CRPPA: variants seen among roughly 807,000 people sequenced by gnomAD.
CRPPA encodes D-ribitol-5-phosphate cytidylyltransferase.
CRPPA carries 43 observed loss-of-function variants against 52.0 expected under a neutral mutation model. That is an observed-to-expected ratio of 0.83 (90% confidence interval 0.65 to 1.07). The LOEUF (loss-of-function observed/expected upper bound fraction) is 1.07, where lower values mean the gene tolerates loss of function less well. CRPPA is among the 50% of genes least tolerant of loss of function. The pLI is 0.00. For synonymous variants in CRPPA, 250 were observed against 203.5 expected, an observed-to-expected ratio of 1.23 and a Z score of -1.94; for missense variants, 629 against 551.7, an observed-to-expected ratio of 1.14 and a Z score of -1.40.
At chr7:16,172,407 C>T (rs1034960) in intron 9 of CRPPA, among the ~76,000 whole-genome samples, 6,418 of 152,070 alleles carry the variant, frequency 0.042, 416 homozygotes, top group East Asian at 0.32. Context: ...GCAGAGGGCC[C>T]GTGTGTCCTG....
chr7:16,231,624 A>G (rs768737343), intron 8 of CRPPA, among the ~76,000 whole-genome samples: 9 of 149,302 alleles, frequency 6.0e-5, no homozygotes, highest in Non-Finnish European at 1.3e-4. Flanking sequence ...AGTCTAAGCT[A>G]AAACAGACTG....
intron 2 of CRPPA, among the ~76,000 whole-genome samples, chr7:16,403,632 A>G (rs1283542307): frequency 6.6e-6 from 1 of 152,188 alleles, no homozygotes; most frequent in African/African-American, 2.4e-5. Flanking sequence ...CCTGGAAAAC[A>G]GTCTGAACGG....
chr7:16,390,598 AT>A (rs1179993672), intron 2 of CRPPA, among the ~76,000 whole-genome samples: 2 of 152,164 alleles, frequency 1.3e-5, no homozygotes, highest in African/African-American at 4.8e-5. Flanking sequence ...CAGACTGTAA[AT>A]GGTAAAGTAT....
At chr7:16,286,097 A>AAAAATATATATATATATATATAT in intron 5 of CRPPA, among the ~76,000 whole-genome samples, 2 of 39,130 alleles carry the variant, frequency 5.1e-5, no homozygotes, top group Non-Finnish European at 8.1e-5. Context: ...TAAAAAAAAA[A>AAAAATATATATATATATATATAT]ATATATATAT....
At chr7:16,138,782 C>A (rs1003559821) in intron 9 of CRPPA, among the ~76,000 whole-genome samples, 2 of 152,106 alleles carry the variant, frequency 1.3e-5, no homozygotes, top group East Asian at 1.9e-4. Flanking sequence ...TTTACCCCCC[C>A]ACACATTATT....
intron 2 of CRPPA, among the ~76,000 whole-genome samples, chr7:16,381,657 T>C (rs1212530267): frequency 6.6e-6 from 1 of 151,824 alleles, no homozygotes; most frequent in Non-Finnish European, 1.5e-5. Context: ...AGGACTTGCT[T>C]TATGAATCTG....
chr7:16,399,444 T>G (rs993382355), intron 2 of CRPPA, among the ~76,000 whole-genome samples: 3 of 151,764 alleles, frequency 2.0e-5, no homozygotes, highest in African/African-American at 7.3e-5. Flanking sequence ...TTGGCACATG[T>G]CCAACATGTG....
intron 2 of CRPPA, among the ~76,000 whole-genome samples, chr7:16,398,092 CATT>C (rs771052792): frequency 6.6e-6 from 1 of 151,772 alleles, no homozygotes; most frequent in Admixed American, 6.6e-5. Flanking sequence ...TGAACAATAA[CATT>C]ATTGACATGA....
chr7:16,312,281 C>A (rs1785051254), intron 3 of CRPPA, among the ~76,000 whole-genome samples: 1 of 151,908 alleles, frequency 6.6e-6, no homozygotes. Flanking sequence ...TTATGTAGTT[C>A]TTTGAAGTCT....
At chr7:16,129,764 G>C (rs1426369709) in intron 9 of CRPPA, among the ~76,000 whole-genome samples, 1 of 152,136 alleles carries the variant, frequency 6.6e-6, no homozygotes, top group East Asian at 1.9e-4. Context: ...CTGAGTTTCT[G>C]CAAGTGTTTC....
intron 2 of CRPPA, among the ~76,000 whole-genome samples, chr7:16,399,979 A>C (rs996117826): frequency 6.6e-6 from 1 of 152,210 alleles, no homozygotes; most frequent in African/African-American, 2.4e-5. Context: ...GACACGATTG[A>C]CACGTGACTG....
rs116010254 is a variant in CRPPA at position 16,399,093 on chromosome 7, T to C, written c.534+6968A>G. On this transcript the variant is annotated intron_variant, in intron 2 of 9. Coordinates refer to ENST00000407010, the MANE Select transcript of CRPPA (RefSeq NM_001101426.4). ...TGACCAACACGTGACTGACACATGA[T>C]AGACGTGATCGTCATTTTGGGTCAG... Among the ~76,000 whole-genome samples, 233 of 152,320 alleles carry C rather than the reference T, an allele frequency of 1.5e-3. 2 individuals carry two copies. The highest frequency in any genetic ancestry group is 5.5e-3 in the African/African-American group (227 of 41,564).
chr7:16,201,297 A>G (rs1781849031), intron 9 of CRPPA, among the ~76,000 whole-genome samples: 1 of 152,312 alleles, frequency 6.6e-6, no homozygotes, highest in South Asian at 2.1e-4. Context: ...AGCCAAGGAC[A>G]GTCTAAAGCC....
chr7:16,242,576 A>T (rs1783147759), intron 8 of CRPPA, among the ~76,000 whole-genome samples: 1 of 152,220 alleles, frequency 6.6e-6, no homozygotes, highest in African/African-American at 2.4e-5. Flanking sequence ...AATCAGGGCA[A>T]AAATTGAGCT....
chr7:16,252,559 A>C (rs1188039738), intron 8 of CRPPA, among the ~76,000 whole-genome samples: 1 of 152,092 alleles, frequency 6.6e-6, no homozygotes, highest in Non-Finnish European at 1.5e-5. Context: ...TATTGGTCTA[A>C]ATTTCTCTTT....
chr7:16,296,268 T>C (rs1233995108), intron 5 of CRPPA, among the ~76,000 whole-genome samples: 3 of 152,102 alleles, frequency 2.0e-5, no homozygotes, highest in South Asian at 4.1e-4. Flanking sequence ...GTCAAAAGCA[T>C]GCCTTGAAGT....
At chr7:16,212,536 T>G (rs531113922) in intron 9 of CRPPA, among the ~76,000 whole-genome samples, 1 of 152,122 alleles carries the variant, frequency 6.6e-6, no homozygotes, top group African/African-American at 2.4e-5. Context: ...ATACACACCG[T>G]AATGAATAAT....
chr7:16,233,004 C>A (rs1782848429), intron 8 of CRPPA, among the ~76,000 whole-genome samples: 1 of 151,990 alleles, frequency 6.6e-6, no homozygotes, highest in Non-Finnish European at 1.5e-5. Context: ...GTAAAATAGA[C>A]CTAACTCTAA....
At chr7:16,368,269 C>G (rs1163254054) in intron 3 of CRPPA, among the ~76,000 whole-genome samples, 1 of 152,192 alleles carries the variant, frequency 6.6e-6, no homozygotes. Flanking sequence ...AGTTTCCACT[C>G]TTGAAATTTG....
Sources: gnomAD v4.1 joint callset for allele counts (sites outside exome capture counted in the v4.1 genomes callset) on GRCh38, gnomAD v4.1.1 for gene constraint, MANE v1.5 for transcripts, NCBI Gene and HGNC (gene_info 2026-07-23, HGNC 2026-07-21) for gene names.